The following EHBP1 variants were observed in gnomAD, a reference collection of about 807,000 sequenced individuals.
EHBP1 encodes EH domain binding protein 1, also known as EH domain-binding protein 1.
In EHBP1, 55 loss-of-function variants were observed where a neutral mutation model predicts 144.0. That is an observed-to-expected ratio of 0.38 (90% CI 0.31 to 0.48). The LOEUF is 0.48. Among genes scored for constraint, EHBP1 ranks in the 20% least tolerant of loss-of-function variants. The pLI is 0.98. For synonymous variants in EHBP1, 469 were observed against 472.7 expected (o/e 0.99, Z 0.10); for missense variants, 1,200 against 1,364.2 (o/e 0.88, Z 1.90).
chr2:62,794,088 T>C (rs992221208), intron 5 of EHBP1, among the ~76,000 whole-genome samples: 2 of 152,132 alleles, frequency 1.3e-5, no homozygotes. Context: ...AACAGAGAGC[T>C]GAGAACTGAC....
chr2:62,940,156 A>G, intron 10 of EHBP1: 2 of 395,342 alleles, frequency 5.1e-6, no homozygotes, highest in Non-Finnish European at 9.9e-6. Flanking sequence ...GTTCTAAGAC[A>G]TGGAATCACT....
intron 5 of EHBP1, among the ~76,000 whole-genome samples, chr2:62,773,232 T>C (rs2152374702): frequency 6.7e-6 from 1 of 149,228 alleles, no homozygotes; most frequent in South Asian, 2.1e-4. Context: ...CCCTCTTCAG[T>C]TTTCAGGAGG....
At chr2:63,004,552 C>T (rs1047665640) in intron 19 of EHBP1, among the ~76,000 whole-genome samples, 2 of 152,032 alleles carry the variant, frequency 1.3e-5, no homozygotes, top group Admixed American at 1.3e-4. Context: ...TGGGAACATT[C>T]TCCAATGTAG....
At chr2:62,963,630 A>G (rs1167429994) in intron 14 of EHBP1, among the ~76,000 whole-genome samples, 1 of 152,242 alleles carries the variant, frequency 6.6e-6, no homozygotes, top group Non-Finnish European at 1.5e-5. Context: ...TACACATATT[A>G]TCAATTCTAC....
chr2:62,682,294 GGTCT>G (rs2033559226), intron 1 of EHBP1, among the ~76,000 whole-genome samples: 2 of 152,254 alleles, frequency 1.3e-5, no homozygotes, highest in African/African-American at 2.4e-5. Flanking sequence ...ATAAATCGGG[GGTCT>G]GTCTGTGTGT....
At chr2:62,883,013 T>C (rs1403294356) in intron 10 of EHBP1, among the ~76,000 whole-genome samples, 1 of 152,048 alleles carries the variant, frequency 6.6e-6, no homozygotes, top group Admixed American at 6.5e-5. Flanking sequence ...ACTATACATA[T>C]ACACACACAC....
intron 2 of EHBP1, among the ~76,000 whole-genome samples, chr2:62,735,374 G>A (rs1315935194): frequency 6.6e-6 from 1 of 151,648 alleles, no homozygotes; most frequent in Non-Finnish European, 1.5e-5. Flanking sequence ...TCTACAGGTT[G>A]TGTGAGTATT....
chr2:62,760,744 G>A (rs898434339), intron 3 of EHBP1, among the ~76,000 whole-genome samples: 4 of 152,178 alleles, frequency 2.6e-5, no homozygotes, highest in Non-Finnish European at 5.9e-5. Flanking sequence ...ATAGAGCAGG[G>A]CATGATATGG....
At chr2:62,701,582 A>G (rs557083656), upstream of EHBP1, among the ~76,000 whole-genome samples, 12 of 152,336 alleles carry the variant, frequency 7.9e-5, 2 homozygotes, top group South Asian at 2.5e-3. Context: ...ATGAGCAAAG[A>G]CCGGCCTAAA....
intron 19 of EHBP1, among the ~76,000 whole-genome samples, chr2:63,030,934 C>T (rs1472114080): frequency 6.7e-6 from 1 of 149,476 alleles, no homozygotes; most frequent in African/African-American, 2.5e-5. Flanking sequence ...TAGCTGGGAT[C>T]ACAGGCATGC....
At chr2:62,991,181 G>C (rs979629994) in intron 16 of EHBP1, among the ~76,000 whole-genome samples, 9 of 151,524 alleles carry the variant, frequency 5.9e-5, no homozygotes, top group African/African-American at 2.2e-4. Context: ...GGAGTTCAAG[G>C]CTGCAGTGAG....
intron 10 of EHBP1, among the ~76,000 whole-genome samples, chr2:62,894,757 T>C (rs564062772): frequency 3.9e-5 from 6 of 152,120 alleles, no homozygotes; most frequent in African/African-American, 1.4e-4. Context: ...TATTAAAAGA[T>C]TGTAGTAAAT....
At chr2:62,789,090 C>T (rs535159805) in intron 5 of EHBP1, among the ~76,000 whole-genome samples, 1 of 152,188 alleles carries the variant, frequency 6.6e-6, no homozygotes, top group African/African-American at 2.4e-5. Context: ...AGAAGTTGTG[C>T]ATGTTTGAGA....
chr2:62,772,165 G>C (rs1332003149), intron 5 of EHBP1: 4 of 150,208 alleles, frequency 2.7e-5, no homozygotes, highest in Non-Finnish European at 5.9e-5. Flanking sequence ...AAGAGAGAAA[G>C]GGAGGAAGGG....
At chr2:62,748,857 A>T (rs936506775) in intron 3 of EHBP1, among the ~76,000 whole-genome samples, 1 of 152,066 alleles carries the variant, frequency 6.6e-6, no homozygotes, top group African/African-American at 2.4e-5. Context: ...TTTTATTTTT[A>T]TTGAGCTAAA....
chr2:62,949,912 G>A (rs1254561141), intron 13 of EHBP1, among the ~76,000 whole-genome samples: 1 of 152,110 alleles, frequency 6.6e-6, no homozygotes, highest in African/African-American at 2.4e-5. Flanking sequence ...TGTCAATAAA[G>A]TTATGATACC....
intron 4 of EHBP1, among the ~76,000 whole-genome samples, chr2:62,767,347 A>T (rs2041270373): frequency 6.6e-6 from 1 of 152,122 alleles, no homozygotes; most frequent in African/African-American, 2.4e-5. Flanking sequence ...AATAAAATAG[A>T]GGATTTCTTA....
chr2:62,799,227 C>T (rs2043800609), intron 5 of EHBP1, among the ~76,000 whole-genome samples: 1 of 152,060 alleles, frequency 6.6e-6, no homozygotes, highest in South Asian at 2.1e-4. Context: ...AAAAGGTTCC[C>T]TGTAACCAGG....
At chr2:63,038,651 A>C (rs556031878) in intron 20 of EHBP1, 92 bp from the exon 21 acceptor site, 1 of 1,158,126 alleles carries the variant, frequency 8.6e-7, no homozygotes, top group East Asian at 2.4e-5. Context: ...AAAGTCAGTT[A>C]TGAGTCCTAA....
Sources: gnomAD v4.1 joint callset for allele counts (sites outside exome capture counted in the v4.1 genomes callset) on GRCh38, gnomAD v4.1.1 for gene constraint, MANE v1.5 for transcripts, NCBI Gene and HGNC (gene_info 2026-07-23, HGNC 2026-07-21) for gene names.